The following ZNF90 variants were observed in gnomAD, a reference collection of about 807,000 sequenced individuals.
ZNF90 encodes the protein zinc finger protein HTF9.
In ZNF90, 11 loss-of-function variants were observed where a neutral mutation model predicts 12.0. The ratio of observed to expected loss-of-function variants is 0.92; its 90% CI spans 0.58 to 1.52. ZNF90 has a LOEUF of 1.52. ZNF90 is among the 40% of genes most tolerant of loss of function. ZNF90 has a pLI of 0.00. For synonymous variants in ZNF90, 232 were observed against 240.1 expected (o/e 0.97, Z 0.31); for missense variants, 765 against 711.5 (o/e 1.08, Z -0.86).
chr19:20,092,901 G>C (rs1280280321), intron 1 of ZNF90, among the ~76,000 whole-genome samples: 1 of 152,132 alleles, frequency 6.6e-6, no homozygotes, highest in Non-Finnish European at 1.5e-5. Flanking sequence ...TCAATATATT[G>C]AATAAGGTGA....
intron 2 of ZNF90, among the ~76,000 whole-genome samples, chr19:20,104,832 T>G (rs987432287): frequency 6.6e-6 from 1 of 152,130 alleles, no homozygotes. Context: ...CTGTCTCTAC[T>G]AAAAACATGA....
In ZNF90 at chr19:20,109,271, A is replaced by G. The variant is rs147090749; in HGVS notation, c.226+3955A>G. ...TTTAAGAGATAAATTGTGCATGTCT[A>G]TCACAATCAGATTACATAAGTATGT... On this transcript the variant is annotated intron_variant, in intron 3 of 3. Transcript: ENST00000418063. Among the ~76,000 whole-genome samples the G allele has an allele frequency of 3.8e-3, 585 of 152,318 alleles. 6 individuals carry two copies. The highest frequency in any genetic ancestry group is 0.013 in the African/African-American group (553 of 41,572).
At chr19:20,101,423 C>G (rs1271002625) in intron 1 of ZNF90, among the ~76,000 whole-genome samples, 5 of 152,176 alleles carry the variant, frequency 3.3e-5, no homozygotes, top group African/African-American at 1.2e-4. Flanking sequence ...TTGGGAGTGG[C>G]CTGCCACCAT....
chr19:20,116,619 A>T (rs370152236), intron 3 of ZNF90, among the ~76,000 whole-genome samples: 2 of 152,306 alleles, frequency 1.3e-5, no homozygotes, highest in African/African-American at 4.8e-5. Flanking sequence ...ACCTGTTACA[A>T]TCTTTTTATA....
intron 3 of ZNF90, among the ~76,000 whole-genome samples, chr19:20,115,358 T>A (rs2089127799): frequency 6.6e-6 from 1 of 151,710 alleles, no homozygotes; most frequent in Non-Finnish European, 1.5e-5. Flanking sequence ...AGCTTACTAA[T>A]GTTATTTTAT....
At chr19:20,078,342 G>T (rs935383870) in intron 1 of ZNF90, among the ~76,000 whole-genome samples, 1 of 152,060 alleles carries the variant, frequency 6.6e-6, no homozygotes, top group African/African-American at 2.4e-5. Context: ...TCTCTTCCCT[G>T]CCCTGGCCTG....
chr19:20,105,561 G>A (rs1163109880), intron 3 of ZNF90, among the ~76,000 whole-genome samples: 1 of 152,196 alleles, frequency 6.6e-6, no homozygotes, highest in East Asian at 1.9e-4. Context: ...CACAGTGAGA[G>A]CCAGAGTCCT....
At chr19:20,107,062 G>A (rs1373551471) in intron 3 of ZNF90, 1 of 451,930 alleles carries the variant, frequency 2.2e-6, no homozygotes, top group Non-Finnish European at 4.4e-6. Flanking sequence ...GGCTCTGACT[G>A]AGTACCAGAC....
chr19:20,106,578 C>A (rs1163631631), intron 3 of ZNF90, among the ~76,000 whole-genome samples: 1 of 152,090 alleles, frequency 6.6e-6, no homozygotes, highest in Non-Finnish European at 1.5e-5. Flanking sequence ...CTCAGCTTCC[C>A]GAGTAGCTGG....
intron 1 of ZNF90, among the ~76,000 whole-genome samples, chr19:20,099,628 G>T (rs1555703641): frequency 6.6e-6 from 1 of 152,164 alleles, no homozygotes; most frequent in Non-Finnish European, 1.5e-5. Flanking sequence ...TCCCACGACA[G>T]GCAGTCACTA....
intron 1 of ZNF90, among the ~76,000 whole-genome samples, chr19:20,079,115 CAAAAAAA>C (rs139573879): frequency 3.5e-4 from 24 of 68,786 alleles, no homozygotes; most frequent in Non-Finnish European, 7.1e-4. Flanking sequence ...GGAGAGTCCT[CAAAAAAA>C]AAAAAAAAAA....
At chr19:20,100,134 GAT>G (rs1257010947) in intron 1 of ZNF90, among the ~76,000 whole-genome samples, 2 of 152,192 alleles carry the variant, frequency 1.3e-5, no homozygotes, top group East Asian at 3.9e-4. Context: ...CAGCAGAAGA[GAT>G]AGAATGGGGA....
At chr19:20,108,419 T>C (rs893120155) in intron 3 of ZNF90, among the ~76,000 whole-genome samples, 3 of 152,132 alleles carry the variant, frequency 2.0e-5, no homozygotes, top group Admixed American at 1.3e-4. Flanking sequence ...AAGCAATTCT[T>C]GTGCCTCAGC....
chr19:20,118,537 T>A lies in ZNF90; in HGVS notation c.983T>A (p.Leu328His). Residue 328 changes from leucine to histidine, a missense_variant, in exon 4 of 4, where the codon CTT becomes CAT. Coordinates refer to ENST00000418063, the MANE Select transcript of ZNF90 (RefSeq NM_007138.2). ...AAAGCCTTCAAGCTCTCCTCAATCC[T>A]TAGTACACATAAGAGAATCCATACT... ...CGKAFKLSSI[L>H]STHKRIHTGE... The A allele has an allele frequency of 6.2e-7, 1 of 1,613,358 alleles. No individual in the cohort carries two copies. The highest frequency in any genetic ancestry group is 8.5e-7 in the Non-Finnish European group (1 of 1,179,918).
intron 3 of ZNF90, among the ~76,000 whole-genome samples, chr19:20,109,865 G>C (rs1391533400): frequency 6.6e-6 from 1 of 151,882 alleles, no homozygotes; most frequent in Non-Finnish European, 1.5e-5. Flanking sequence ...GTTTATTTCA[G>C]GCATGTTGTT....
chr19:20,078,845 A>T (rs10402970), intron 1 of ZNF90, among the ~76,000 whole-genome samples: 1 of 151,984 alleles, frequency 6.6e-6, no homozygotes, highest in Non-Finnish European at 1.5e-5. Flanking sequence ...CTTCCCGGCC[A>T]GGCGCGGTGG....
At chr19:20,108,788 G>T (rs1463794307) in intron 3 of ZNF90, among the ~76,000 whole-genome samples, 1 of 132,978 alleles carries the variant, frequency 7.5e-6, no homozygotes, top group Admixed American at 8.3e-5. Context: ...TTAAAGTGCA[G>T]TGGCACAATC....
At chr19:20,090,367 G>C (rs1035034814) in intron 1 of ZNF90, among the ~76,000 whole-genome samples, 1 of 152,028 alleles carries the variant, frequency 6.6e-6, no homozygotes, top group Non-Finnish European at 1.5e-5. Flanking sequence ...TCAGAAATAC[G>C]AGTGAGTTTA....
intron 3 of ZNF90, among the ~76,000 whole-genome samples, chr19:20,115,114 A>G (rs1303744831): frequency 6.6e-6 from 1 of 152,074 alleles, no homozygotes; most frequent in South Asian, 2.1e-4. Flanking sequence ...TAGCTTGTGT[A>G]ATACTATTGT....
Sources: gnomAD v4.1 joint callset for allele counts (sites outside exome capture counted in the v4.1 genomes callset) on GRCh38, gnomAD v4.1.1 for gene constraint, MANE v1.5 for transcripts, NCBI Gene and HGNC (gene_info 2026-07-23, HGNC 2026-07-21) for gene names.